ADAMTS16: variants seen among roughly 807,000 people sequenced by gnomAD.
ADAMTS16 encodes the protein A disintegrin and metalloproteinase with thrombospondin motifs 16.
ADAMTS16 carries 94 observed loss-of-function variants against 145.8 expected under a neutral mutation model. The observed-to-expected ratio is 0.64, with a 90% CI of 0.55 to 0.77. The LOEUF is 0.77. Among genes scored for constraint, ADAMTS16 ranks in the 30% least tolerant of loss-of-function variants. The pLI is 0.00. For synonymous variants in ADAMTS16, 659 were observed against 604.3 expected (o/e 1.09, Z -1.33); for missense variants, 1,585 against 1,591.5 (o/e 1.00, Z 0.07).
intron 11 of ADAMTS16, among the ~76,000 whole-genome samples, chr5:5,230,768 G>C (rs1231466467): frequency 6.6e-6 from 1 of 152,144 alleles, no homozygotes; most frequent in Non-Finnish European, 1.5e-5. Context: ...GATGCACATT[G>C]AGTTTGCTCA....
At chr5:5,243,465 G>A (rs559003017) in intron 17 of ADAMTS16, among the ~76,000 whole-genome samples, 145 of 152,326 alleles carry the variant, frequency 9.5e-4, no homozygotes, top group African/African-American at 3.2e-3. Context: ...TCTGTGTGAC[G>A]TGGGACATTC....
chr5:5,271,324 G>T (rs1208936947), intron 18 of ADAMTS16, among the ~76,000 whole-genome samples: 1 of 152,218 alleles, frequency 6.6e-6, no homozygotes, highest in Non-Finnish European at 1.5e-5. Flanking sequence ...GTATCCTGGA[G>T]AAATAACAGG....
At chr5:5,315,736 C>G (rs928192363) in intron 21 of ADAMTS16, among the ~76,000 whole-genome samples, 1 of 152,128 alleles carries the variant, frequency 6.6e-6, no homozygotes, top group Non-Finnish European at 1.5e-5. Flanking sequence ...CAGAATGTTC[C>G]GAAAGATGTA....
chr5:5,187,762 A>T lies in ADAMTS16; in HGVS notation c.1001A>T (p.Asn334Ile). The T allele has an allele frequency of 6.2e-7, 1 of 1,612,908 alleles. No homozygotes were observed. The highest frequency in any genetic ancestry group is 8.5e-7 in the Non-Finnish European group (1 of 1,178,948). The change falls in exon 6 of 23, where the codon AAC (asparagine) becomes ATC (isoleucine). Residue 334 changes from asparagine to isoleucine, a missense_variant. Transcript: ENST00000274181. ...ALFKDGTIGG[N>I]INIAIVGLIL... Reference sequence around the variant, plus strand: ...TTCAAAGATGGAACAATAGGAGGAAACATCAACATTGCAATTGTAGGTCTG... The same window carrying T: ...TTCAAAGATGGAACAATAGGAGGAATCATCAACATTGCAATTGTAGGTCTG...
At chr5:5,166,276 TACAC>T (rs1014272740) in intron 3 of ADAMTS16, among the ~76,000 whole-genome samples, 1 of 150,328 alleles carries the variant, frequency 6.7e-6, no homozygotes, top group Non-Finnish European at 1.5e-5. Context: ...CACACATACA[TACAC>T]ACACACACAC....
rs375734250 is a variant in ADAMTS16, at chr5:5,222,751, T to C, written c.1606-38T>C. On this transcript the variant is annotated intron_variant, in intron 10 of 22. Coordinates refer to ENST00000274181, the MANE Select transcript of ADAMTS16 (RefSeq NM_139056.4). ...TTTTATTATAGATGAATTGACAATA[T>C]GATGTAATCCTAATGACCTTTTACA... is the stretch of plus-strand genomic sequence containing the variant. 1.5e-5 allele frequency: 22 copies of C among 1,481,052 alleles called. No homozygotes were observed. In the African/African-American group the frequency reaches 1.5e-4, roughly 10 times the overall value. The allele number at this position is 1,481,052 out of a possible 1,614,324, so 91.7% of individuals were successfully genotyped here. A position where few individuals can be genotyped will look rare whatever the true frequency, so the allele number is the denominator to read the frequency against.
At chr5:5,192,176 G>T (rs1031805314) in intron 8 of ADAMTS16, among the ~76,000 whole-genome samples, 1 of 152,066 alleles carries the variant, frequency 6.6e-6, no homozygotes, top group Admixed American at 6.6e-5. Flanking sequence ...GAGTGACAGG[G>T]TTTCGCCGTG....
intron 21 of ADAMTS16, 99 bp from the exon 22 acceptor site, chr5:5,318,035 G>C (rs1179869029): frequency 8.0e-7 from 1 of 1,245,244 alleles, no homozygotes; most frequent in African/African-American, 1.6e-5. Flanking sequence ...TCCCTCACTG[G>C]CCTGCAGCAG....
In ADAMTS16 at chr5:5,319,426, G is replaced by T; in HGVS notation, c.*288G>T. 1 of 445,436 alleles carries T rather than the reference G, an allele frequency of 2.2e-6. No individual in the cohort carries two copies. Among genetic ancestry groups the T allele is most frequent in the Non-Finnish European group, 4.1e-6 (1 of 244,016 alleles). 27.6% of individuals were successfully genotyped at this position (445,436 alleles called of 1,614,324 possible). On this transcript the variant is annotated 3_prime_UTR_variant, in exon 23 of 23. Coordinates refer to ENST00000274181, the MANE Select transcript of ADAMTS16 (RefSeq NM_139056.4). The stretch of plus-strand genomic sequence containing the variant: ...GGCAGGCACCACAACGGGAGAGGCA[G>T]CACTCACCCCTGCCTGTTGCAGCTA...
chr5:5,191,831 T>C (rs1735670209), intron 8 of ADAMTS16, 41 bp downstream of exon 8: 1 of 1,451,106 alleles, frequency 6.9e-7, no homozygotes, highest in Non-Finnish European at 9.6e-7. Flanking sequence ...CCGAGTTTTT[T>C]CCTTACTGGA....
chr5:5,178,834 G>A (rs568932406), intron 3 of ADAMTS16, among the ~76,000 whole-genome samples: 4 of 152,186 alleles, frequency 2.6e-5, no homozygotes, highest in African/African-American at 9.6e-5. Flanking sequence ...TCACAAGCGT[G>A]TAGGCCAGGA....
intron 16 of ADAMTS16, among the ~76,000 whole-genome samples, chr5:5,240,729 G>A (rs1302055247): frequency 1.3e-5 from 2 of 152,274 alleles, no homozygotes; most frequent in East Asian, 3.9e-4. Flanking sequence ...CATTCGGGGT[G>A]TGGTTTAGAT....
At chr5:5,199,339 C>T (rs1735895305) in intron 8 of ADAMTS16, among the ~76,000 whole-genome samples, 1 of 152,200 alleles carries the variant, frequency 6.6e-6, no homozygotes, top group African/African-American at 2.4e-5. Context: ...CCTATAGCTG[C>T]TGTAGCTTGA....
intron 17 of ADAMTS16, among the ~76,000 whole-genome samples, chr5:5,252,402 T>G (rs1560969721): frequency 6.6e-6 from 1 of 152,120 alleles, no homozygotes; most frequent in Non-Finnish European, 1.5e-5. Flanking sequence ...AATGCAGCAG[T>G]TAATTTTAAA....
At chr5:5,190,751 G>A (rs55936747) in intron 7 of ADAMTS16, among the ~76,000 whole-genome samples, 4,310 of 152,156 alleles carry the variant, frequency 0.028, 117 homozygotes, top group Admixed American at 0.056. Flanking sequence ...ATTTAATAGC[G>A]GTTAGTCTTA....
intron 18 of ADAMTS16, among the ~76,000 whole-genome samples, chr5:5,265,985 AGTGTGTGTGTGTGTGTGTGTGTGT>A (rs71604122): frequency 7.1e-6 from 1 of 141,364 alleles, no homozygotes; most frequent in Non-Finnish European, 1.5e-5. Context: ...GACTTAAAGA[AGTGTGTGTGTGTGTGTGTGTGTGT>A]GTGTGTGTGT....
chr5:5,241,813 C>T (rs758151751), intron 16 of ADAMTS16, among the ~76,000 whole-genome samples: 2 of 140,540 alleles, frequency 1.4e-5, no homozygotes, highest in African/African-American at 2.7e-5. Context: ...GTTTTACATG[C>T]GGGCATACAC....
At chr5:5,231,446 T>C (rs35630763) in intron 11 of ADAMTS16, among the ~76,000 whole-genome samples, 462 of 150,156 alleles carry the variant, frequency 3.1e-3, no homozygotes, top group Middle Eastern at 0.028. Context: ...TTTTTTTTTC[T>C]GTCAGTACAA....
chr5:5,303,695 C>A lies in ADAMTS16; in HGVS notation c.3115C>A (p.His1039Asn), dbSNP rs759242976. The change falls in exon 20 of 23, where the codon CAT becomes AAT. Residue 1039 changes from histidine (H) to asparagine (N), a missense_variant. By Grantham distance (68) the His-to-Asn change is moderately conservative. Around this residue, in one of 3 missense-constraint regions of ADAMTS16, gnomAD observed 834 missense variants for 811.7 expected, o/e 1.03. Transcript: ENST00000274181. ...VCTSEPKPRM[H>N]EACLLQRCHK... ...CACCTCCGAGCCCAAGCCCAGGATG[C>A]ATGAAGCCTGTCTGCTTCAGCGCTG... 5.6e-6 allele frequency: 9 copies of A among 1,613,650 alleles called. No individual in the cohort carries two copies. Among genetic ancestry groups the A allele is most frequent in the Non-Finnish European group, 6.8e-6 (8 of 1,180,030 alleles).
Sources: allele counts gnomAD v4.1 joint callset (sites outside exome capture counted in the v4.1 genomes callset), GRCh38; gene constraint gnomAD v4.1.1; regional missense constraint gnomAD v4.1.1; transcripts MANE v1.5; gene names NCBI Gene and HGNC (gene_info 2026-07-23, HGNC 2026-07-21).